The following CDH13 variants were observed in gnomAD, a reference collection of about 807,000 sequenced individuals.
CDH13 encodes the protein cadherin 13.
A neutral mutation model predicts 63.8 loss-of-function variants in CDH13; 24 were observed. The ratio of observed to expected loss-of-function variants is 0.38; its 90% CI spans 0.27 to 0.53. The LOEUF is 0.53. Among genes scored for constraint, CDH13 ranks in the 20% least tolerant of loss-of-function variants. The pLI, the probability that CDH13 is intolerant of heterozygous loss-of-function variation, is 0.85. For synonymous variants in CDH13, 503 were observed against 355.3 expected (o/e 1.42, Z -4.67); for missense variants, 1,049 against 903.1 (o/e 1.16, Z -2.07).
intron 7 of CDH13, among the ~76,000 whole-genome samples, chr16:83,570,971 A>ATATATATATATATATATATATATATAT (rs57205262): frequency 1.7e-5 from 2 of 117,256 alleles, no homozygotes; most frequent in Admixed American, 9.4e-5. Context: ...ATATATATAT[A>ATATATATATATATATATATATATATAT]AAAACCTTCT....
chr16:83,154,144 C>G (rs1206100880), intron 4 of CDH13, among the ~76,000 whole-genome samples: 1 of 152,160 alleles, frequency 6.6e-6, no homozygotes, highest in African/African-American at 2.4e-5. Context: ...AAAGACCATG[C>G]TACGGTTCTG....
At chr16:82,792,582 A>G (rs965465409) in intron 1 of CDH13, among the ~76,000 whole-genome samples, 9 of 152,100 alleles carry the variant, frequency 5.9e-5, no homozygotes, top group African/African-American at 1.9e-4. Context: ...GGCCCCCTAG[A>G]TAGAAGGCAA....
At chr16:83,591,829 T>G (rs1479184695) in intron 7 of CDH13, among the ~76,000 whole-genome samples, 1 of 152,230 alleles carries the variant, frequency 6.6e-6, no homozygotes, top group Non-Finnish European at 1.5e-5. Flanking sequence ...GTACTTTTTC[T>G]TGTCCCTTTG....
intron 2 of CDH13, among the ~76,000 whole-genome samples, chr16:83,025,088 C>T (rs1915677108): frequency 6.6e-6 from 1 of 152,172 alleles, no homozygotes; most frequent in Non-Finnish European, 1.5e-5. Context: ...GAAAAGGTAG[C>T]TTCCTTAGTG....
At chr16:82,709,779 C>G (rs989201112) in intron 1 of CDH13, among the ~76,000 whole-genome samples, 4 of 152,220 alleles carry the variant, frequency 2.6e-5, no homozygotes, top group African/African-American at 4.8e-5. Context: ...GTGGGCCATC[C>G]TGTTTCCTGT....
chr16:82,760,491 C>A (rs1178748754), intron 1 of CDH13, among the ~76,000 whole-genome samples: 3 of 151,974 alleles, frequency 2.0e-5, no homozygotes, highest in Admixed American at 2.0e-4. Flanking sequence ...CATTACAACA[C>A]CTTACTTTAG....
intron 3 of CDH13, among the ~76,000 whole-genome samples, chr16:83,109,662 C>T (rs1597353764): frequency 6.6e-6 from 1 of 152,164 alleles, no homozygotes; most frequent in South Asian, 2.1e-4. Flanking sequence ...CAAATTAACA[C>T]AGCTGTGGAG....
chr16:83,471,313 C>T (rs1343899715), intron 6 of CDH13, among the ~76,000 whole-genome samples: 2 of 124,220 alleles, frequency 1.6e-5, no homozygotes, highest in African/African-American at 6.2e-5. Flanking sequence ...TTTACTCTGT[C>T]ACCCAGGCTG....
chr16:82,735,458 G>A (rs2169446), intron 1 of CDH13, among the ~76,000 whole-genome samples: 97,942 of 152,216 alleles, frequency 0.64, 32,374 homozygotes, highest in Non-Finnish European at 0.71. Flanking sequence ...TTATTTATGC[G>A]ACTTCATGAA....
intron 1 of CDH13, among the ~76,000 whole-genome samples, chr16:82,828,550 C>A (rs763641788): frequency 6.6e-6 from 1 of 151,980 alleles, no homozygotes; most frequent in Non-Finnish European, 1.5e-5. Flanking sequence ...TTGCTTGATC[C>A]CGGGAGGCAG....
At chr16:82,914,353 C>G (rs1469749662) in intron 2 of CDH13, among the ~76,000 whole-genome samples, 1 of 152,138 alleles carries the variant, frequency 6.6e-6, no homozygotes, top group Non-Finnish European at 1.5e-5. Context: ...AGGAGACACT[C>G]TTATTATCCC....
intron 6 of CDH13, among the ~76,000 whole-genome samples, chr16:83,416,659 T>G (rs1402785773): frequency 6.6e-6 from 1 of 152,224 alleles, no homozygotes; most frequent in African/African-American, 2.4e-5. Flanking sequence ...TTTGCATCTT[T>G]CTGTGAGCAT....
chr16:82,968,532 T>G (rs1908206468), intron 2 of CDH13, among the ~76,000 whole-genome samples: 1 of 152,206 alleles, frequency 6.6e-6, no homozygotes, highest in African/African-American at 2.4e-5. Context: ...AAATCTTTCC[T>G]GAACACTTCA....
chr16:82,862,964 C>T (rs1185359427), intron 2 of CDH13, among the ~76,000 whole-genome samples: 1 of 152,188 alleles, frequency 6.6e-6, no homozygotes, highest in African/African-American at 2.4e-5. Context: ...GAGGAGGTCA[C>T]TGCAGGTGCT....
intron 1 of CDH13, chr16:82,719,614 G>A (rs2032627350): frequency 5.7e-6 from 2 of 348,652 alleles, no homozygotes; most frequent in Admixed American, 7.2e-5. Flanking sequence ...GACAAGCCAA[G>A]GTGGGTGGAT....
chr16:82,639,369 A>T (rs1291560266), intron 1 of CDH13: 5 of 1,534,998 alleles, frequency 3.3e-6, no homozygotes, highest in Non-Finnish European at 4.4e-6. Context: ...GGGCCAAACA[A>T]CCCACCTGCA....
At chr16:83,665,049 A>G (rs534250297) in intron 8 of CDH13, among the ~76,000 whole-genome samples, 1 of 152,312 alleles carries the variant, frequency 6.6e-6, no homozygotes, top group East Asian at 1.9e-4. Flanking sequence ...GAAGAAAACC[A>G]GATATCTAAT....
At chr16:83,283,206 T>A (rs1424247716) in intron 5 of CDH13, among the ~76,000 whole-genome samples, 1 of 152,196 alleles carries the variant, frequency 6.6e-6, no homozygotes, top group Non-Finnish European at 1.5e-5. Context: ...TTGAATTACC[T>A]GTGGAGTTAC....
chr16:83,485,535 G>T (rs1357493385), intron 6 of CDH13, among the ~76,000 whole-genome samples: 1 of 152,088 alleles, frequency 6.6e-6, no homozygotes, highest in Non-Finnish European at 1.5e-5. Flanking sequence ...TACATAGTAG[G>T]TACACATTAG....
Sources: gnomAD v4.1 joint callset for allele counts (sites outside exome capture counted in the v4.1 genomes callset) on GRCh38, gnomAD v4.1.1 for gene constraint, MANE v1.5 for transcripts, NCBI Gene and HGNC (gene_info 2026-07-23, HGNC 2026-07-21) for gene names.